Variants in RBFOX1 observed in about 807,000 individuals in gnomAD.
RBFOX1 encodes RNA binding fox-1 homolog 1.
In RBFOX1, 8 loss-of-function variants were observed where a neutral mutation model predicts 57.7. The ratio of observed to expected loss-of-function variants is 0.14; its 90% CI spans 0.08 to 0.25. The LOEUF is 0.25. Among genes scored for constraint, RBFOX1 ranks in the 10% least tolerant of loss-of-function variants. The pLI, the probability that RBFOX1 is intolerant of heterozygous loss-of-function variation, is 1.00. For synonymous variants in RBFOX1, 326 were observed against 222.4 expected (o/e 1.47, Z -4.15); for missense variants, 611 against 548.5 (o/e 1.11, Z -1.14).
chr16:7,693,891 C>G (rs892825989), intron 14 of RBFOX1, among the ~76,000 whole-genome samples: 2 of 152,188 alleles, frequency 1.3e-5, no homozygotes, highest in African/African-American at 4.8e-5. Flanking sequence ...CAAAGATCCT[C>G]TATTTCCTTT....
At chr16:5,413,501 T>C (rs1398486230) in intron 1 of RBFOX1, among the ~76,000 whole-genome samples, 2 of 152,208 alleles carry the variant, frequency 1.3e-5, no homozygotes, top group Non-Finnish European at 2.9e-5. Context: ...ACTCCCGTGT[T>C]CATTGCTACC....
intron 3 of RBFOX1, among the ~76,000 whole-genome samples, chr16:7,036,430 G>A (rs1257676147): frequency 6.6e-6 from 1 of 152,058 alleles, no homozygotes; most frequent in Non-Finnish European, 1.5e-5. Flanking sequence ...ATTCAGGGCG[G>A]CCGGGCGTGG....
chr16:6,893,484 T>C (rs1347984701), intron 3 of RBFOX1, among the ~76,000 whole-genome samples: 1 of 152,088 alleles, frequency 6.6e-6, no homozygotes, highest in Non-Finnish European at 1.5e-5. Context: ...GATAGAGAGG[T>C]CCCTTGTCAG....
chr16:5,998,643 C>T (rs569108687), intron 4 of RBFOX1, among the ~76,000 whole-genome samples: 6 of 152,280 alleles, frequency 3.9e-5, no homozygotes, highest in African/African-American at 1.2e-4. Context: ...TCACCCTTTT[C>T]CAAATCCTGA....
At chr16:7,309,133 G>C (rs1486901852) in intron 4 of RBFOX1, among the ~76,000 whole-genome samples, 1 of 152,160 alleles carries the variant, frequency 6.6e-6, no homozygotes, top group African/African-American at 2.4e-5. Flanking sequence ...ATAGAAGAAA[G>C]GTCCCTCAGT....
chr16:5,325,824 C>T (rs968501896), intron 1 of RBFOX1, among the ~76,000 whole-genome samples: 6 of 152,092 alleles, frequency 3.9e-5, no homozygotes. Context: ...ATCCATTCAC[C>T]CTCTGAGGGA....
chr16:6,091,961 A>T (rs956079018), intron 1 of RBFOX1, among the ~76,000 whole-genome samples: 1 of 152,148 alleles, frequency 6.6e-6, no homozygotes, highest in African/African-American at 2.4e-5. Context: ...CCATCTACCC[A>T]TGCATCTATG....
chr16:6,795,428 C>T (rs1016200261), intron 3 of RBFOX1, among the ~76,000 whole-genome samples: 17 of 151,246 alleles, frequency 1.1e-4, no homozygotes, highest in Non-Finnish European at 1.5e-5. Flanking sequence ...TAAATTAATT[C>T]CCATTTTTTT....
chr16:7,627,649 C>T (rs1229456174), intron 10 of RBFOX1, among the ~76,000 whole-genome samples: 2 of 152,114 alleles, frequency 1.3e-5, no homozygotes, highest in Non-Finnish European at 1.5e-5. Flanking sequence ...GCTGCTTGTA[C>T]CTTATTACCT....
chr16:5,679,510 C>G (rs895599421), intron 3 of RBFOX1, among the ~76,000 whole-genome samples: 1 of 152,062 alleles, frequency 6.6e-6, no homozygotes, highest in Non-Finnish European at 1.5e-5. Flanking sequence ...CCTTGTCCCC[C>G]ACCCCCCGAC....
Position 5,257,649 on chromosome 16 carries a change from G to A in RBFOX1, c.219+17544G>A, listed in dbSNP as rs1266874653. On this transcript the variant is annotated intron_variant, in intron 1 of 2. Coordinates refer to the RBFOX1 transcript ENST00000585867. ...TTACTAGTGAGGAAGATCACTGTGT[G>A]TTAAAGGCATGACTCATCTTCCATT... Among the ~76,000 whole-genome samples, 11 of 152,266 alleles carry A rather than the reference G, an allele frequency of 7.2e-5. No homozygotes were observed. The East Asian group carries it at 2.1e-3, about 29-fold the overall frequency.
rs959175143 is a variant in RBFOX1, at chr16:6,990,351, C to T, written c.-15-61706C>T. 3.9e-5 allele frequency among the ~76,000 whole-genome samples: 6 copies of T among 151,980 alleles called. No individual in the cohort carries two copies. In the South Asian group the frequency reaches 6.2e-4, roughly 16 times the overall value. On this transcript the variant is annotated intron_variant, in intron 3 of 15. Transcript: ENST00000550418. ...ACCAGCCTGGCCAACATGGTGAAAC[C>T]CCATTTCTACTAAAAATACAAAAGT...
chr16:6,989,113 C>A (rs1014558430), intron 3 of RBFOX1, among the ~76,000 whole-genome samples: 1 of 152,100 alleles, frequency 6.6e-6, no homozygotes, highest in Admixed American at 6.6e-5. Context: ...GGCAGGTTGG[C>A]CTAAACTCTT....
intron 1 of RBFOX1, among the ~76,000 whole-genome samples, chr16:6,146,763 G>A (rs759635099): frequency 3.3e-5 from 5 of 152,090 alleles, no homozygotes; most frequent in South Asian, 2.1e-4. Context: ...TGAACCTTCC[G>A]GAGTGTCCCT....
chr16:6,491,152 A>G (rs1190471963), intron 2 of RBFOX1, among the ~76,000 whole-genome samples: 1 of 151,994 alleles, frequency 6.6e-6, no homozygotes, highest in East Asian at 1.9e-4. Flanking sequence ...ACTTATGTAT[A>G]GACTAGAAGC....
chr16:6,135,989 T>C (rs1430513419), intron 1 of RBFOX1, among the ~76,000 whole-genome samples: 2 of 151,868 alleles, frequency 1.3e-5, no homozygotes, highest in East Asian at 3.9e-4. Flanking sequence ...GAGATGGGTT[T>C]TCACCATGTC....
At chr16:7,002,149 A>C (rs1012846633) in intron 3 of RBFOX1, among the ~76,000 whole-genome samples, 7 of 151,904 alleles carry the variant, frequency 4.6e-5, no homozygotes, top group Non-Finnish European at 7.4e-5. Context: ...GTCTAGGGTT[A>C]TTGTGGCCAT....
chr16:6,966,416 G>T (rs891314430), intron 3 of RBFOX1, among the ~76,000 whole-genome samples: 1 of 152,124 alleles, frequency 6.6e-6, no homozygotes, highest in Non-Finnish European at 1.5e-5. Flanking sequence ...ATGACCCTGG[G>T]GGGTCTTCCA....
chr16:7,655,934 C>T (rs1597408393), intron 12 of RBFOX1, among the ~76,000 whole-genome samples: 2 of 152,136 alleles, frequency 1.3e-5, no homozygotes, highest in African/African-American at 4.8e-5. Context: ...TGGGAATAAC[C>T]ATGCATAACT....
Sources: gnomAD v4.1 joint callset for allele counts (sites outside exome capture counted in the v4.1 genomes callset) on GRCh38, gnomAD v4.1.1 for gene constraint, MANE v1.5 for transcripts, NCBI Gene and HGNC (gene_info 2026-07-23, HGNC 2026-07-21) for gene names.